The following NR3C2 variants were observed in gnomAD, a reference collection of about 807,000 sequenced individuals.
NR3C2 encodes the protein nuclear receptor subfamily 3 group C member 2.
A neutral mutation model predicts 86.4 loss-of-function variants in NR3C2; 15 were observed. The observed-to-expected ratio is 0.17, with a 90% confidence interval of 0.12 to 0.27. The LOEUF is 0.27. NR3C2 is among the 10% of genes least tolerant of loss of function. The pLI, the probability that NR3C2 is intolerant of heterozygous loss-of-function variation, is 1.00. For synonymous variants in NR3C2, 458 were observed against 450.5 expected (o/e 1.02, Z -0.21); for missense variants, 960 against 1,195.6 (o/e 0.80, Z 2.91).
chr4:148,401,524 C>G (rs1035172071), intron 2 of NR3C2, among the ~76,000 whole-genome samples: 1 of 137,412 alleles, frequency 7.3e-6, no homozygotes, highest in Non-Finnish European at 1.5e-5. Context: ...AGTGCAGTGG[C>G]GCAATCTAGG....
intron 2 of NR3C2, among the ~76,000 whole-genome samples, chr4:148,300,588 ATT>A (rs1230657445): frequency 7.8e-6 from 1 of 127,790 alleles, no homozygotes; most frequent in Admixed American, 8.2e-5. Context: ...CTTGCTACTC[ATT>A]TTTTTTTTTT....
intron 2 of NR3C2, among the ~76,000 whole-genome samples, chr4:148,307,645 C>G (rs1414033181): frequency 6.6e-6 from 1 of 152,052 alleles, no homozygotes; most frequent in African/African-American, 2.4e-5. Context: ...AATACATAAT[C>G]ATCTAGAGAT....
At chr4:148,383,009 C>T (rs145265228) in intron 2 of NR3C2, among the ~76,000 whole-genome samples, 7 of 151,910 alleles carry the variant, frequency 4.6e-5, no homozygotes, top group East Asian at 1.9e-4. Context: ...CAGTTTGCAA[C>T]GATAAATAAA....
At chr4:148,163,696 T>C (rs1370491118) in intron 4 of NR3C2, among the ~76,000 whole-genome samples, 1 of 151,910 alleles carries the variant, frequency 6.6e-6, no homozygotes, top group African/African-American at 2.4e-5. Flanking sequence ...AATCTTGAGA[T>C]TACATTATTT....
chr4:148,352,343 A>G (rs1440236006), intron 2 of NR3C2, among the ~76,000 whole-genome samples: 1 of 151,498 alleles, frequency 6.6e-6, no homozygotes, highest in African/African-American at 2.4e-5. Context: ...AACTAAAATA[A>G]TAAATCTTAA....
At chr4:148,167,470 T>C (rs1015416522) in intron 4 of NR3C2, among the ~76,000 whole-genome samples, 2 of 152,234 alleles carry the variant, frequency 1.3e-5, no homozygotes, top group Non-Finnish European at 2.9e-5. Context: ...CAGTTAAGAT[T>C]AGACATTCTC....
intron 2 of NR3C2, among the ~76,000 whole-genome samples, chr4:148,264,692 A>G (rs887269447): frequency 1.3e-5 from 2 of 152,202 alleles, no homozygotes; most frequent in Non-Finnish European, 2.9e-5. Flanking sequence ...CCTTTCCAAG[A>G]TATCCTTTTA....
chr4:148,107,651 G>A (rs10002896), intron 8 of NR3C2, among the ~76,000 whole-genome samples: 34,118 of 152,114 alleles, frequency 0.22, 4,491 homozygotes, highest in East Asian at 0.57. Context: ...AAACACCATC[G>A]AATACTACAC....
At chr4:148,218,576 A>C (rs1189352871) in intron 3 of NR3C2, among the ~76,000 whole-genome samples, 3 of 152,156 alleles carry the variant, frequency 2.0e-5, no homozygotes, top group South Asian at 2.1e-4. Flanking sequence ...TTAAGTGCCC[A>C]ATTAGTCAAT....
At chr4:148,250,945 T>C (rs1474657593) in intron 3 of NR3C2, among the ~76,000 whole-genome samples, 1 of 151,996 alleles carries the variant, frequency 6.6e-6, no homozygotes, top group Admixed American at 6.6e-5. Flanking sequence ...CCTTTTTCTT[T>C]TTCTTTTTTT....
intron 2 of NR3C2, among the ~76,000 whole-genome samples, chr4:148,274,087 G>GAAAA (rs550801399): frequency 4.1e-4 from 45 of 108,898 alleles, no homozygotes; most frequent in African/African-American, 1.3e-3. Context: ...CAGCTCATGA[G>GAAAA]AAAAAAAAAA....
At chr4:148,410,547 G>A (rs542276315) in intron 2 of NR3C2, among the ~76,000 whole-genome samples, 12 of 152,278 alleles carry the variant, frequency 7.9e-5, no homozygotes, top group African/African-American at 2.4e-4. Flanking sequence ...TAGTTTAACT[G>A]CAGAAGCTTA....
intron 8 of NR3C2, among the ~76,000 whole-genome samples, chr4:148,093,284 G>T (rs567266254): frequency 6.6e-6 from 1 of 152,170 alleles, no homozygotes; most frequent in Non-Finnish European, 1.5e-5. Flanking sequence ...GCAGGCCAGC[G>T]GCCACTCCCC....
intron 8 of NR3C2, among the ~76,000 whole-genome samples, chr4:148,098,397 G>A (rs1731387020): frequency 6.6e-6 from 1 of 152,100 alleles, no homozygotes; most frequent in South Asian, 2.1e-4. Flanking sequence ...CTTGCACTTA[G>A]GAACATAGAC....
chr4:148,311,531 AC>A (rs1421830652), intron 2 of NR3C2, among the ~76,000 whole-genome samples: 2 of 152,124 alleles, frequency 1.3e-5, no homozygotes, highest in Non-Finnish European at 2.9e-5. Context: ...AATCACTACC[AC>A]AATGCTCCAG....
intron 2 of NR3C2, among the ~76,000 whole-genome samples, chr4:148,308,534 C>A (rs189444184): frequency 4.6e-5 from 7 of 152,078 alleles, no homozygotes; most frequent in Admixed American, 4.6e-4. Flanking sequence ...AAAAGTTGAT[C>A]TCTCATAGAA....
chr4:148,191,090 G>A (rs144116533), intron 4 of NR3C2, among the ~76,000 whole-genome samples: 155 of 151,890 alleles, frequency 1.0e-3, no homozygotes, highest in African/African-American at 3.2e-3. Context: ...TGTGATTTAT[G>A]TTTTAAAGAG....
intron 2 of NR3C2, among the ~76,000 whole-genome samples, chr4:148,356,931 G>A (rs1038689134): frequency 4.5e-5 from 6 of 133,526 alleles, no homozygotes; most frequent in African/African-American, 8.2e-5. Flanking sequence ...GTGTGTGTGT[G>A]TGTGTTACGG....
At chr4:148,178,382 C>T (rs556698501) in intron 4 of NR3C2, among the ~76,000 whole-genome samples, 10 of 151,822 alleles carry the variant, frequency 6.6e-5, no homozygotes, top group Admixed American at 5.9e-4. Context: ...TAATATTTCG[C>T]TTTGATAATC....
Sources: gnomAD v4.1 joint callset for allele counts (sites outside exome capture counted in the v4.1 genomes callset) on GRCh38, gnomAD v4.1.1 for gene constraint, MANE v1.5 for transcripts, NCBI Gene and HGNC (gene_info 2026-07-23, HGNC 2026-07-21) for gene names.